The following PRICKLE2 variants were observed in gnomAD, a reference collection of about 807,000 sequenced individuals.
PRICKLE2 encodes the protein prickle-like protein 2.
PRICKLE2 carries 21 observed loss-of-function variants against 81.4 expected under a neutral mutation model. The observed-to-expected ratio is 0.26, with a 90% CI of 0.18 to 0.37. The LOEUF (loss-of-function observed/expected upper bound fraction) is 0.37, where lower values mean the gene tolerates loss of function less well. Among genes scored for constraint, PRICKLE2 ranks in the 10% least tolerant of loss-of-function variants. The pLI is 1.00. For synonymous variants in PRICKLE2, 456 were observed against 421.5 expected, an observed-to-expected ratio of 1.08 and a Z score of -1.00; for missense variants, 940 against 1,109.0, an observed-to-expected ratio of 0.85 and a Z score of 2.16.
chr3:64,177,453 T>C (rs1380839958), intron 2 of PRICKLE2, among the ~76,000 whole-genome samples: 1 of 152,100 alleles, frequency 6.6e-6, no homozygotes, highest in African/African-American at 2.4e-5. Context: ...CATTTTTAAG[T>C]GTACAATTCA....
At chr3:64,208,991 T>C (rs1262165964) in intron 1 of PRICKLE2, among the ~76,000 whole-genome samples, 1 of 152,078 alleles carries the variant, frequency 6.6e-6, no homozygotes, top group Non-Finnish European at 1.5e-5. Context: ...CACCCATCTA[T>C]CTATTCATTC....
Position 64,098,915 on chromosome 3 carries a change from C to G in PRICKLE2, c.*136G>C, listed in dbSNP as rs578172110. The G allele has an allele frequency of 4.3e-6, 4 of 938,320 alleles. No individual in the cohort carries two copies. Among genetic ancestry groups the G allele is most frequent in the Non-Finnish European group, 6.9e-6 (4 of 583,408 alleles). 58.1% of individuals were successfully genotyped at this position (938,320 alleles called of 1,614,324 possible). On this transcript the variant is annotated 3_prime_UTR_variant, in exon 8 of 8. Coordinates refer to ENST00000638394, the MANE Select transcript of PRICKLE2 (RefSeq NM_198859.4). ...CTATTGAGTCAACCTGTAACCTTGC[C>G]TCCATCTACTGACAGCATTTTCCCT...
chr3:64,168,304 C>T (rs2107056889), intron 2 of PRICKLE2, among the ~76,000 whole-genome samples: 1 of 152,168 alleles, frequency 6.6e-6, no homozygotes, highest in South Asian at 2.1e-4. Flanking sequence ...CCCTGGGCCA[C>T]ACTGGAAGAA....
intron 1 of PRICKLE2, among the ~76,000 whole-genome samples, chr3:64,204,950 G>C (rs749405243): frequency 3.3e-5 from 5 of 152,072 alleles, no homozygotes; most frequent in African/African-American, 4.8e-5. Flanking sequence ...AATGCACACA[G>C]CAACACCCAA....
intron 7 of PRICKLE2, among the ~76,000 whole-genome samples, chr3:64,111,809 T>C (rs559992455): frequency 6.6e-6 from 1 of 152,312 alleles, no homozygotes; most frequent in Non-Finnish European, 1.5e-5. Flanking sequence ...TCTAGGTTAC[T>C]GGCACTGCCT....
chr3:64,171,362 T>A (rs1017441058), intron 2 of PRICKLE2, among the ~76,000 whole-genome samples: 1 of 152,176 alleles, frequency 6.6e-6, no homozygotes, highest in African/African-American at 2.4e-5. Context: ...GCACATATAG[T>A]GGGTAGAGGC....
chr3:64,258,382 A>G (rs1260664978), intron 2 of PRICKLE2, among the ~76,000 whole-genome samples: 2 of 152,206 alleles, frequency 1.3e-5, no homozygotes, highest in Admixed American at 6.5e-5. Flanking sequence ...CTATACAACA[A>G]CTAAAATGAA....
At chr3:64,258,960 T>A (rs1417629429) in intron 2 of PRICKLE2, among the ~76,000 whole-genome samples, 1 of 152,040 alleles carries the variant, frequency 6.6e-6, no homozygotes. Context: ...GGTAATATTT[T>A]ATTTCTTGAT....
intron 1 of PRICKLE2, among the ~76,000 whole-genome samples, chr3:64,221,131 T>C (rs1458198975): frequency 6.6e-6 from 1 of 152,100 alleles, no homozygotes; most frequent in Non-Finnish European, 1.5e-5. Flanking sequence ...ACTTTCGTGG[T>C]GGATTGGCAA....
chr3:64,100,282 A>C (rs1372614769), intron 7 of PRICKLE2: 2 of 291,410 alleles, frequency 6.9e-6, no homozygotes, highest in Non-Finnish European at 1.3e-5. Flanking sequence ...TTTTGATTCT[A>C]ATCATGCACT....
Position 64,190,796 on chromosome 3 carries a change from T to G in PRICKLE2, c.144+7988A>C, listed in dbSNP as rs180936558. Among the ~76,000 whole-genome samples the G allele has an allele frequency of 2.5e-3, 382 of 152,254 alleles. 1 individual carries two copies. Among genetic ancestry groups the G allele is most frequent in the Non-Finnish European group, 3.9e-3 (262 of 68,022 alleles). Reference sequence around the variant, plus strand: ...TGACCTGTTGATCCCCTAAGAGAGATGTGTAGAATATTCTTTGTGGGAAGA... The same window carrying G: ...TGACCTGTTGATCCCCTAAGAGAGAGGTGTAGAATATTCTTTGTGGGAAGA... On this transcript the variant is annotated intron_variant, in intron 2 of 7. Coordinates refer to ENST00000638394, the MANE Select transcript of PRICKLE2 (RefSeq NM_198859.4).
At chr3:64,194,170 C>T (rs1314194924) in intron 2 of PRICKLE2, 1 of 152,200 alleles carries the variant, frequency 6.6e-6, no homozygotes, top group African/African-American at 2.4e-5. Flanking sequence ...CATGCAGCTC[C>T]AATTCTCATT....
chr3:64,131,511 A>G (rs914418890), intron 7 of PRICKLE2, among the ~76,000 whole-genome samples: 1 of 152,220 alleles, frequency 6.6e-6, no homozygotes, highest in African/African-American at 2.4e-5. Context: ...CTGTTTAGCC[A>G]TATGTTTTCA....
chr3:64,127,671 C>T (rs143650119), intron 7 of PRICKLE2, among the ~76,000 whole-genome samples: 103 of 152,064 alleles, frequency 6.8e-4, no homozygotes, highest in African/African-American at 2.3e-3. Flanking sequence ...CAAGACTGTA[C>T]CCAGCGTCCA....
intron 2 of PRICKLE2, among the ~76,000 whole-genome samples, chr3:64,239,349 G>A (rs1447801155): frequency 6.6e-6 from 1 of 152,184 alleles, no homozygotes; most frequent in Non-Finnish European, 1.5e-5. Flanking sequence ...ACACAGAGGA[G>A]GTTCAGCTCG....
chr3:64,141,472 ATGT>A (rs1334881781), intron 7 of PRICKLE2, among the ~76,000 whole-genome samples: 3 of 152,182 alleles, frequency 2.0e-5, no homozygotes, highest in Non-Finnish European at 4.4e-5. Flanking sequence ...GTTGTTCTTG[ATGT>A]TGTTATTATT....
chr3:64,210,572 T>G (rs2078769978), intron 1 of PRICKLE2, among the ~76,000 whole-genome samples: 4 of 152,142 alleles, frequency 2.6e-5, no homozygotes. Context: ...CAAGAAGTGC[T>G]TCTCTCTCCC....
intron 2 of PRICKLE2, among the ~76,000 whole-genome samples, chr3:64,178,929 C>A (rs913295474): frequency 6.6e-6 from 1 of 152,190 alleles, no homozygotes; most frequent in African/African-American, 2.4e-5. Flanking sequence ...AGCACTATAA[C>A]TCATGCCTGA....
chr3:64,257,813 T>C (rs956821945), intron 2 of PRICKLE2, among the ~76,000 whole-genome samples: 3 of 152,144 alleles, frequency 2.0e-5, no homozygotes, highest in Non-Finnish European at 4.4e-5. Flanking sequence ...AATTCATAGG[T>C]TTAAATCCTA....
Sources: allele counts gnomAD v4.1 joint callset (sites outside exome capture counted in the v4.1 genomes callset), GRCh38; gene constraint gnomAD v4.1.1; transcripts MANE v1.5; gene names NCBI Gene and HGNC (gene_info 2026-07-23, HGNC 2026-07-21).